Variants in CHD5 observed in about 807,000 individuals in gnomAD.
The protein encoded by CHD5 is ATP-dependent chromatin remodeler CHD5.
Under a neutral mutation model 230.3 loss-of-function variants are expected in CHD5, and 69 were observed. The ratio of observed to expected loss-of-function variants is 0.30; its 90% CI spans 0.25 to 0.37. CHD5 has a LOEUF of 0.37. CHD5 is among the 10% of genes least tolerant of loss of function. CHD5 has a pLI of 1.00. For synonymous variants in CHD5, 1,064 were observed against 1,065.9 expected (o/e 1.00, Z 0.03); for missense variants, 1,827 against 2,622.8 (o/e 0.70, Z 6.63).
rs1214575518 is a variant in CHD5 at position 6,126,676 on chromosome 1, C to T, written c.3974G>A (p.Arg1325Gln). 1.9e-6 allele frequency: 3 copies of T among 1,613,970 alleles called. No individual in the cohort carries two copies. The highest frequency in any genetic ancestry group is 2.5e-6 in the Non-Finnish European group (3 of 1,179,954). Residue 1325 changes from arginine to glutamine, a missense_variant, in exon 26 of 42, where the codon CGG (arginine) becomes CAG (glutamine). Coordinates refer to ENST00000262450, the MANE Select transcript of CHD5 (RefSeq NM_015557.3). This position sits in a 1 kb window ranked among gnomAD's most constrained non-coding sequence, Gnocchi z 5.7. ...CTCCTGCTGCTGCTCATAGTGGTGC[C>T]GCAGCAGCTTCTCCCAGTAGTCGGG... ...VDPDYWEKLL[R>Q]HHYEQQQEDL...
chr1:6,108,560 T>C (rs1477302581), intron 38 of CHD5, among the ~76,000 whole-genome samples: 7 of 118,420 alleles, frequency 5.9e-5, no homozygotes. Context: ...GGGATGGAGG[T>C]ATGATGAAGG....
intron 33 of CHD5, among the ~76,000 whole-genome samples, chr1:6,116,315 C>T (rs995144155): frequency 3.3e-5 from 5 of 151,892 alleles, no homozygotes; most frequent in African/African-American, 1.2e-4. Flanking sequence ...ATAGGAATTC[C>T]AGAAGGACAA....
intron 2 of CHD5, among the ~76,000 whole-genome samples, chr1:6,162,669 CA>C (rs1347739849): frequency 2.0e-5 from 3 of 152,156 alleles, no homozygotes; most frequent in Non-Finnish European, 4.4e-5. Flanking sequence ...AGAAAATGCC[CA>C]AACAACCCAT....
chr1:6,165,881 A>T (rs751653015), intron 2 of CHD5, among the ~76,000 whole-genome samples: 6 of 152,042 alleles, frequency 3.9e-5, no homozygotes, highest in Non-Finnish European at 7.4e-5. Context: ...TAACAGGGAC[A>T]GGGAGCTTCA....
At chr1:6,109,327 G>C (rs1666248333) in intron 38 of CHD5, among the ~76,000 whole-genome samples, 1 of 152,182 alleles carries the variant, frequency 6.6e-6, no homozygotes, top group South Asian at 2.1e-4. Context: ...GGAGCCCCGA[G>C]GGCAGAAGTG....
chr1:6,139,217 TCTGTTGTTGTTTTG>T (rs1008465711), intron 15 of CHD5, among the ~76,000 whole-genome samples: 130 of 117,504 alleles, frequency 1.1e-3, no homozygotes, highest in African/African-American at 3.6e-3. Context: ...ACTAAACTGT[TCTGTTGTTGTTTTG>T]TTGTTGTTGT....
In CHD5 at chr1:6,169,405, C is replaced by T. The variant is rs115269851; in HGVS notation, c.80-1128G>A. The stretch of plus-strand genomic sequence containing the variant: ...CGAGGGGGCCCTGGCCGGGCAGGCT[C>T]GGGAAGGGAGTATGTTTGACGACAC... On this transcript the variant is annotated intron_variant, in intron 1 of 41. Transcript: ENST00000262450. 1.7e-3 allele frequency among the ~76,000 whole-genome samples: 264 copies of T among 152,336 alleles called. 4 individuals carry two copies. The highest frequency in any genetic ancestry group is 6.0e-3 in the African/African-American group (250 of 41,584).
In CHD5 at chr1:6,151,119, T is replaced by G. The variant is rs140594423; in HGVS notation, c.907A>C (p.Ser303Arg). The change falls in exon 7 of 42, where the codon AGC (serine) becomes CGC (arginine). Residue 303 changes from serine to arginine, a missense_variant. This residue lies in a region of CHD5 where 657 missense variants were observed against 816.4 expected (regional missense o/e 0.80). Transcript: ENST00000262450. ...ACGGAGGCACTGTGGATGCTGGCGC[T>G]GTCGAAGTCCGACTCCTCCCTCTCA... is the stretch of plus-strand genomic sequence containing the variant. ...EDEREESDFD[S>R]ASIHSASVRS... is the part of the protein sequence containing the mutation. 6.2e-7 allele frequency: 1 copy of G among 1,610,124 alleles called. No homozygotes were observed.
At chr1:6,106,848 A>T in intron 38 of CHD5, 69 bp from the exon 39 acceptor site, 1 of 341,600 alleles carries the variant, frequency 2.9e-6, no homozygotes, top group Non-Finnish European at 5.6e-6. Context: ...GAGTGGAAGG[A>T]TGGAGGGATG....
intron 33 of CHD5, among the ~76,000 whole-genome samples, chr1:6,114,202 G>A (rs1034830500): frequency 6.6e-6 from 1 of 151,224 alleles, no homozygotes; most frequent in Non-Finnish European, 1.5e-5. Flanking sequence ...GCAGTGAGCC[G>A]AGATCACGCC....
chr1:6,131,592 A>G lies in CHD5; in HGVS notation c.3262+39T>C, dbSNP rs1392943522. On this transcript the variant is annotated intron_variant, in intron 21 of 41. Transcript: ENST00000262450. The surrounding 1 kb of genome is among the most constrained non-coding windows in gnomAD (Gnocchi z 5.0). ...CCAGGCCTGGGAGAAGAGGCCAAAA[A>G]GGAGTCTCAATCAGAACCCTTGGGC... 1 of 1,252,166 alleles carries G rather than the reference A, an allele frequency of 8.0e-7. No homozygotes were observed. The highest frequency in any genetic ancestry group is 1.5e-5 in the African/African-American group (1 of 67,886). 77.6% of individuals were successfully genotyped at this position (1,252,166 alleles called of 1,614,324 possible).
intron 38 of CHD5, among the ~76,000 whole-genome samples, chr1:6,107,559 T>A (rs1236382445): frequency 1.5e-5 from 2 of 130,716 alleles, no homozygotes; most frequent in African/African-American, 2.9e-5. Context: ...AATGAAGGGA[T>A]GATGGAGAGA....
chr1:6,147,753 C>T (rs553687271), intron 9 of CHD5, among the ~76,000 whole-genome samples: 8 of 152,294 alleles, frequency 5.3e-5, no homozygotes, highest in Middle Eastern at 3.4e-3. Flanking sequence ...ATCTGTGGTG[C>T]CACATCACAC....
At chr1:6,127,955 C>T in intron 25 of CHD5, 91 bp downstream of exon 25, 2 of 1,009,914 alleles carry the variant, frequency 2.0e-6, no homozygotes, top group Non-Finnish European at 1.3e-6. Flanking sequence ...GGCGGGAGGG[C>T]GGGGTCACAG....
In CHD5 at chr1:6,109,168, C is replaced by T. The variant is rs150179041; in HGVS notation, c.5578+627G>A. On this transcript the variant is annotated intron_variant, in intron 38 of 41. Transcript: ENST00000262450. ...CGAGCCAGCCAGAAGCGCTGCCTGACGCTGGGCTTCCCTCCTAAGAGTTCT... is the reference window on the plus strand; with the variant it reads ...CGAGCCAGCCAGAAGCGCTGCCTGATGCTGGGCTTCCCTCCTAAGAGTTCT... Among the ~76,000 whole-genome samples, 1,349 of 152,158 alleles carry T rather than the reference C, an allele frequency of 8.9e-3. 18 individuals are homozygous for T. The highest frequency in any genetic ancestry group is 0.03 in the African/African-American group (1,258 of 41,478).
At position 6,109,853 on chromosome 1, in the gene CHD5, C is replaced by G; in HGVS notation, c.5520G>C (p.Gln1840His). The stretch of plus-strand genomic sequence containing the variant: ...CAGCAAGGGACTCCTTGGACAGGTG[C>G]TGGTGGCTCTCGGCGAGGCACTCCA... ...AEVECLAESHQHLSKESLAGN... is the reference protein window; with the variant it reads ...AEVECLAESHHHLSKESLAGN... Residue 1840 changes from glutamine (Q) to histidine (H), a missense_variant, in exon 38 of 42, where the codon CAG becomes CAC. Coordinates refer to ENST00000262450, the MANE Select transcript of CHD5 (RefSeq NM_015557.3). The G allele has an allele frequency of 6.2e-7, 1 of 1,612,898 alleles. No homozygotes were observed. The highest frequency in any genetic ancestry group is 8.5e-7 in the Non-Finnish European group (1 of 1,179,724).
At chr1:6,169,024 A>G (rs923762306) in intron 1 of CHD5, among the ~76,000 whole-genome samples, 14 of 151,770 alleles carry the variant, frequency 9.2e-5, no homozygotes, top group Non-Finnish European at 1.3e-4. Flanking sequence ...ATCAAAAAAA[A>G]AAAAAAAAAA....
chr1:6,180,086 A>C lies in CHD5; in HGVS notation c.-63T>G. Reference sequence around the variant, plus strand: ...TCCCGCCGGGCGCGGTGCCAGCCTTAACCCGTGCGCTGCCGGACCGGCGCG... The same window carrying C: ...TCCCGCCGGGCGCGGTGCCAGCCTTCACCCGTGCGCTGCCGGACCGGCGCG... On this transcript the variant is annotated 5_prime_UTR_variant, in exon 1 of 42. Coordinates refer to ENST00000262450, the MANE Select transcript of CHD5 (RefSeq NM_015557.3). 5.8e-6 allele frequency: 5 copies of C among 855,826 alleles called. No individual in the cohort carries two copies. Among genetic ancestry groups the C allele is most frequent in the East Asian group, 5.9e-5 (1 of 16,986 alleles). 53.0% of individuals were successfully genotyped at this position (855,826 alleles called of 1,614,324 possible). A position where few individuals can be genotyped will look rare whatever the true frequency, so the allele number is the denominator to read the frequency against.
At chr1:6,150,018 TG>T (rs1666977279) in intron 7 of CHD5, among the ~76,000 whole-genome samples, 1 of 146,894 alleles carries the variant, frequency 6.8e-6, no homozygotes, top group Admixed American at 6.8e-5. Flanking sequence ...GATGGATGGA[TG>T]GATGGATGGA....
Sources: gnomAD v4.1 joint callset for allele counts (sites outside exome capture counted in the v4.1 genomes callset) on GRCh38, gnomAD v4.1.1 for gene constraint, gnomAD v4.1.1 regional missense constraint, Gnocchi (gnomAD v3.1) non-coding constraint, MANE v1.5 for transcripts, NCBI Gene and HGNC (gene_info 2026-07-23, HGNC 2026-07-21) for gene names.